The following CWF19L2 variants were observed in gnomAD, a reference collection of about 807,000 sequenced individuals.
CWF19L2 encodes CWF19-like protein 2.
A neutral mutation model predicts 111.7 loss-of-function variants in CWF19L2; 98 were observed. The observed-to-expected ratio is 0.88, with a 90% confidence interval of 0.75 to 1.04. The LOEUF is 1.04. CWF19L2 is among the 50% of genes least tolerant of loss of function. The pLI is 0.00. For missense variants in CWF19L2, 1,101 were observed against 1,051.4 expected, an observed-to-expected ratio of 1.05 and a Z score of -0.65; for synonymous variants, 351 against 342.9, an observed-to-expected ratio of 1.02 and a Z score of -0.26.
chr11:107,351,748 C>T (rs762797546), intron 13 of CWF19L2, among the ~76,000 whole-genome samples: 4 of 152,128 alleles, frequency 2.6e-5, no homozygotes, highest in Non-Finnish European at 5.9e-5. Flanking sequence ...CCTTATGACT[C>T]ATAAGGGCCA....
At position 107,370,368 on chromosome 11, in the gene CWF19L2, G is replaced by T. The variant is rs1454705133; in HGVS notation, c.1873-16632C>A. 1.5e-5 allele frequency among the ~76,000 whole-genome samples: 2 copies of T among 137,048 alleles called. 1 individual carries two copies. The highest frequency in any genetic ancestry group is 3.1e-5 in the Non-Finnish European group (2 of 64,062). The allele number at this position is 137,048 out of a possible 152,430, so 89.9% of individuals were successfully genotyped here. A position where few individuals can be genotyped will look rare whatever the true frequency, so the allele number is the denominator to read the frequency against. ...TTCCATAAAATCATATTAAAATCTT[G>T]TGAGTTATCATGACAACAGAACCAA... On this transcript the variant is annotated intron_variant, in intron 12 of 17. Coordinates refer to ENST00000282251, the MANE Select transcript of CWF19L2 (RefSeq NM_152434.3).
chr11:107,361,829 G>T (rs533711063), intron 12 of CWF19L2, among the ~76,000 whole-genome samples: 1 of 152,318 alleles, frequency 6.6e-6, no homozygotes, highest in East Asian at 1.9e-4. Flanking sequence ...AGCCAAGATG[G>T]CCGAACAGGA....
chr11:107,434,721 A>T (rs1327290859), intron 6 of CWF19L2, among the ~76,000 whole-genome samples: 1 of 151,188 alleles, frequency 6.6e-6, no homozygotes, highest in African/African-American at 2.4e-5. Flanking sequence ...AACAATATGG[A>T]TGAATCTCAA....
At chr11:107,385,582 T>C (rs920246010) in intron 12 of CWF19L2, among the ~76,000 whole-genome samples, 1 of 152,174 alleles carries the variant, frequency 6.6e-6, no homozygotes, top group East Asian at 1.9e-4. Flanking sequence ...AAATAAGCAA[T>C]CCTATACAAT....
At chr11:107,419,657 T>C (rs1339346665) in intron 8 of CWF19L2, among the ~76,000 whole-genome samples, 1 of 152,002 alleles carries the variant, frequency 6.6e-6, no homozygotes, top group Non-Finnish European at 1.5e-5. Flanking sequence ...AAAACTACAA[T>C]GTGTGAGATA....
intron 10 of CWF19L2, among the ~76,000 whole-genome samples, chr11:107,411,816 G>A (rs972671234): frequency 6.6e-6 from 1 of 152,020 alleles, no homozygotes; most frequent in Admixed American, 6.6e-5. Flanking sequence ...TAAAATAGAA[G>A]AGTACTTATG....
intron 8 of CWF19L2, among the ~76,000 whole-genome samples, chr11:107,428,489 T>C (rs1000562257): frequency 6.6e-6 from 1 of 151,994 alleles, no homozygotes; most frequent in Non-Finnish European, 1.5e-5. Flanking sequence ...GGTAACAAAA[T>C]CTACCAAAAT....
In CWF19L2 at chr11:107,457,818, G is replaced by T. The variant is rs2276271; in HGVS notation, c.-2C>A. 2 of 1,550,436 alleles carry T rather than the reference G, an allele frequency of 1.3e-6. No individual in the cohort carries two copies. The highest frequency in any genetic ancestry group is 1.7e-6 in the Non-Finnish European group (2 of 1,145,776). On this transcript the variant is annotated 5_prime_UTR_variant, in exon 1 of 18. Coordinates refer to ENST00000282251, the MANE Select transcript of CWF19L2 (RefSeq NM_152434.3). ...AGCAGCCGCCATACTTGTTGCCATCGTAAAGCTAAGAAGCCGCAAGAAAAT... is the reference window on the plus strand; with the variant it reads ...AGCAGCCGCCATACTTGTTGCCATCTTAAAGCTAAGAAGCCGCAAGAAAAT...
chr11:107,401,394 C>G (rs947100324), intron 10 of CWF19L2, among the ~76,000 whole-genome samples: 1 of 152,092 alleles, frequency 6.6e-6, no homozygotes, highest in African/African-American at 2.4e-5. Flanking sequence ...TAATGTACCA[C>G]AAATCAGTAG....
chr11:107,380,046 C>CAAAAAAAAAAAAAAAAAAAA (rs66699460), intron 12 of CWF19L2, among the ~76,000 whole-genome samples: 3 of 34,490 alleles, frequency 8.7e-5, no homozygotes, highest in African/African-American at 2.1e-4. Context: ...GACACCGTCT[C>CAAAAAAAAAAAAAAAAAAAA]AAAAAAAAAA....
chr11:107,406,786 T>C (rs1861084550), intron 10 of CWF19L2, among the ~76,000 whole-genome samples: 1 of 151,658 alleles, frequency 6.6e-6, no homozygotes, highest in South Asian at 2.1e-4. Flanking sequence ...TTTTATTTTC[T>C]ATTTTAGTAA....
chr11:107,429,218 A>G lies in CWF19L2; in HGVS notation c.1014T>C (p.Asp338=). 1.2e-6 allele frequency: 2 copies of G among 1,612,778 alleles called. No individual in the cohort carries two copies. Among genetic ancestry groups the G allele is most frequent in the South Asian group, 2.2e-5 (2 of 90,722 alleles). Residue 338 remains aspartate, a synonymous_variant, in exon 8 of 18, where the codon GAT becomes GAC. Coordinates refer to ENST00000282251, the MANE Select transcript of CWF19L2 (RefSeq NM_152434.3). ...NNEKFIGDEK[D]KRPGSLETCR... Reference sequence around the variant, plus strand: ...ACGTTTCTAAAGACCCAGGTCTCTTATCTTTTTCATCACCAATAAATTTTT... The same window carrying G: ...ACGTTTCTAAAGACCCAGGTCTCTTGTCTTTTTCATCACCAATAAATTTTT...
At chr11:107,422,122 T>G (rs141864460) in intron 8 of CWF19L2, among the ~76,000 whole-genome samples, 141 of 152,162 alleles carry the variant, frequency 9.3e-4, no homozygotes, top group African/African-American at 3.3e-3. Flanking sequence ...GAGTGCATAA[T>G]GTATGATCCC....
At chr11:107,453,775 C>T in intron 3 of CWF19L2, among the ~76,000 whole-genome samples, 1 of 151,876 alleles carries the variant, frequency 6.6e-6, no homozygotes, top group East Asian at 1.9e-4. Context: ...CTGGATCTGC[C>T]CTGGCCCAGG....
intron 7 of CWF19L2, 117 bp from the exon 8 acceptor site, chr11:107,429,568 G>A (rs1861434692): frequency 1.4e-6 from 1 of 712,772 alleles, no homozygotes; most frequent in Non-Finnish European, 2.3e-6. Context: ...CCCACTAACG[G>A]GGTGAAAGAA....
At chr11:107,389,231 T>C (rs964632533) in intron 12 of CWF19L2, among the ~76,000 whole-genome samples, 2 of 152,214 alleles carry the variant, frequency 1.3e-5, no homozygotes, top group East Asian at 1.9e-4. Context: ...ATTGTTATTA[T>C]AGGGTGGAAG....
chr11:107,352,538 C>A (rs1273059667), intron 13 of CWF19L2, among the ~76,000 whole-genome samples: 1 of 151,958 alleles, frequency 6.6e-6, no homozygotes, highest in Non-Finnish European at 1.5e-5. Context: ...AAAGAATGAA[C>A]ATAACTCTTA....
chr11:107,442,764 A>G (rs542395324), intron 4 of CWF19L2, among the ~76,000 whole-genome samples, 175 bp downstream of exon 4: 7 of 39,842 alleles, frequency 1.8e-4, no homozygotes, highest in African/African-American at 7.0e-4. Flanking sequence ...GGAAGGAAGG[A>G]AGGAAGGAAG....
At chr11:107,358,155 T>C (rs548683938) in intron 12 of CWF19L2, among the ~76,000 whole-genome samples, 9 of 152,296 alleles carry the variant, frequency 5.9e-5, no homozygotes, top group Admixed American at 4.6e-4. Context: ...GAATGTAAGA[T>C]AGTGCAGCTG....
Sources: gnomAD v4.1 joint callset for allele counts (sites outside exome capture counted in the v4.1 genomes callset) on GRCh38, gnomAD v4.1.1 for gene constraint, MANE v1.5 for transcripts, NCBI Gene and HGNC (gene_info 2026-07-23, HGNC 2026-07-21) for gene names.